Variants in NFIB observed in about 807,000 individuals in gnomAD.
The protein encoded by NFIB is nuclear factor I B.
NFIB carries 11 observed loss-of-function variants against 61.5 expected under a neutral mutation model. The observed-to-expected ratio is 0.18, with a 90% CI of 0.11 to 0.30. The LOEUF (loss-of-function observed/expected upper bound fraction) is 0.30, where lower values mean the gene tolerates loss of function less well. Among genes scored for constraint, NFIB ranks in the 10% least tolerant of loss-of-function variants. The pLI is 1.00. For missense variants in NFIB, 471 were observed against 608.9 expected (o/e 0.77, Z 2.38); for synonymous variants, 260 against 216.5 (o/e 1.20, Z -1.76).
chr9:14,170,547 G>A (rs1315704750), intron 3 of NFIB, among the ~76,000 whole-genome samples: 1 of 152,154 alleles, frequency 6.6e-6, no homozygotes, highest in Non-Finnish European at 1.5e-5. Flanking sequence ...GAGGCTTGAG[G>A]TGGGAAGATT....
At chr9:14,250,424 G>C (rs2055464573) in intron 2 of NFIB, among the ~76,000 whole-genome samples, 1 of 152,152 alleles carries the variant, frequency 6.6e-6, no homozygotes, top group South Asian at 2.1e-4. Flanking sequence ...TAAAGCCTTA[G>C]CTCAAAAGGA....
rs148286628 is a variant in NFIB at position 14,375,705 on chromosome 9, T to C, written c.108+22819A>G. 2.7e-3 allele frequency among the ~76,000 whole-genome samples: 411 copies of C among 152,052 alleles called. 3 individuals carry two copies. Among genetic ancestry groups the C allele is most frequent in the African/African-American group, 9.4e-3 (390 of 41,490 alleles). Reference sequence around the variant, plus strand: ...TGGGAACATTTTCACTTACAGCTCATTGGTCAGACCTTTGACACACGGCCA... The same window carrying C: ...TGGGAACATTTTCACTTACAGCTCACTGGTCAGACCTTTGACACACGGCCA... On this transcript the variant is annotated intron_variant, in intron 1 of 8. Coordinates refer to the NFIB transcript ENST00000380934.
chr9:14,217,467 C>A (rs1307524999), intron 2 of NFIB, among the ~76,000 whole-genome samples: 1 of 152,074 alleles, frequency 6.6e-6, no homozygotes, highest in African/African-American at 2.4e-5. Flanking sequence ...TCAAGACCAG[C>A]CTGACCAACA....
the NFIB span, among the ~76,000 whole-genome samples, chr9:14,468,933 T>G: frequency 6.6e-6 from 1 of 152,160 alleles, no homozygotes; most frequent in Non-Finnish European, 1.5e-5. Flanking sequence ...CTTCTCACTC[T>G]CATATCCTCT....
the NFIB span, among the ~76,000 whole-genome samples, chr9:14,528,623 G>C: frequency 6.6e-6 from 1 of 152,142 alleles, no homozygotes; most frequent in South Asian, 2.1e-4. Flanking sequence ...AAATGTTCTG[G>C]CCTGGTTCTG....
chr9:14,089,877 T>C (rs2033589541), intron 10 of NFIB, among the ~76,000 whole-genome samples: 1 of 152,180 alleles, frequency 6.6e-6, no homozygotes, highest in Non-Finnish European at 1.5e-5. Context: ...TACAAAATGT[T>C]GCTTGTTGCT....
At chr9:14,291,133 A>C (rs1170426599) in intron 2 of NFIB, among the ~76,000 whole-genome samples, 1 of 152,108 alleles carries the variant, frequency 6.6e-6, no homozygotes, top group African/African-American at 2.4e-5. Flanking sequence ...CTTGATATAC[A>C]TAAGCACACA....
the NFIB span, among the ~76,000 whole-genome samples, chr9:14,451,509 T>C: frequency 1.0e-3 from 158 of 152,300 alleles, no homozygotes; most frequent in African/African-American, 3.7e-3. Flanking sequence ...AGTATGTATC[T>C]GTAAAAGGTA....
At chr9:14,526,938 A>G in the NFIB span, among the ~76,000 whole-genome samples, 1 of 152,198 alleles carries the variant, frequency 6.6e-6, no homozygotes, top group African/African-American at 2.4e-5. Flanking sequence ...ATTAATAACC[A>G]TCTAATCACT....
chr9:14,511,928 A>G, the NFIB span, among the ~76,000 whole-genome samples: 1 of 152,228 alleles, frequency 6.6e-6, no homozygotes, highest in African/African-American at 2.4e-5. Context: ...CTTGGGTTCA[A>G]TATAGTTAAT....
At chr9:14,457,352 G>A in the NFIB span, among the ~76,000 whole-genome samples, 2,427 of 152,088 alleles carry the variant, frequency 0.016, 59 homozygotes, top group African/African-American at 0.055. Context: ...TGAACGAGTT[G>A]ATGTCAACAC....
intron 2 of NFIB, among the ~76,000 whole-genome samples, chr9:14,295,913 T>C (rs2059416251): frequency 1.3e-5 from 2 of 152,184 alleles, no homozygotes; most frequent in African/African-American, 2.4e-5. Context: ...GATTGATCAA[T>C]AAATTTAGTC....
intron 1 of NFIB, among the ~76,000 whole-genome samples, chr9:14,334,267 G>A (rs1170175027): frequency 2.6e-5 from 4 of 152,044 alleles, no homozygotes; most frequent in African/African-American, 9.7e-5. Context: ...GTATGCCTGT[G>A]GTAAATTTTC....
chr9:14,106,143 T>A (rs1308359538), intron 10 of NFIB, among the ~76,000 whole-genome samples: 1 of 152,108 alleles, frequency 6.6e-6, no homozygotes, highest in African/African-American at 2.4e-5. Flanking sequence ...AGTAATCAAA[T>A]TTAAAATACC....
At chr9:14,129,947 T>C (rs1425416808) in intron 6 of NFIB, among the ~76,000 whole-genome samples, 1 of 152,192 alleles carries the variant, frequency 6.6e-6, no homozygotes, top group African/African-American at 2.4e-5. Context: ...TTGCTGGTAG[T>C]TGAAGAGAAA....
chr9:14,478,211 C>T, the NFIB span, among the ~76,000 whole-genome samples: 22,227 of 152,090 alleles, frequency 0.15, 2,892 homozygotes, highest in African/African-American at 0.34. Context: ...AGACTTCCTA[C>T]TAGGAAGCAC....
chr9:14,246,798 T>G (rs2054981607), intron 2 of NFIB, among the ~76,000 whole-genome samples: 1 of 152,220 alleles, frequency 6.6e-6, no homozygotes, highest in African/African-American at 2.4e-5. Flanking sequence ...TGCTATTGAC[T>G]GAACTGTGTC....
chr9:14,436,576 G>T, the NFIB span, among the ~76,000 whole-genome samples: 1 of 152,180 alleles, frequency 6.6e-6, no homozygotes, highest in East Asian at 1.9e-4. Flanking sequence ...GTCTTCTTAG[G>T]ATACGCATTC....
At chr9:14,229,260 T>C (rs1449262258) in intron 2 of NFIB, among the ~76,000 whole-genome samples, 1 of 152,160 alleles carries the variant, frequency 6.6e-6, no homozygotes, top group Non-Finnish European at 1.5e-5. Context: ...GGTGATCAGG[T>C]TGTTACACCA....
Sources: allele counts gnomAD v4.1 joint callset (sites outside exome capture counted in the v4.1 genomes callset), GRCh38; gene constraint gnomAD v4.1.1; transcripts MANE v1.5; gene names NCBI Gene and HGNC (gene_info 2026-07-23, HGNC 2026-07-21).